The following VAT1L variants were observed in gnomAD, a reference collection of about 807,000 sequenced individuals.
The protein encoded by VAT1L is vesicle amine transport 1 like.
Under a neutral mutation model 44.1 loss-of-function variants are expected in VAT1L, and 34 were observed. That is an observed-to-expected ratio of 0.77 (90% confidence interval 0.59 to 1.03). The LOEUF (loss-of-function observed/expected upper bound fraction) is 1.03. Among genes scored for constraint, VAT1L ranks in the 50% least tolerant of loss-of-function variants. The probability of loss-of-function intolerance (pLI) is 0.00; values close to 1 mark genes in which losing one functional copy is unlikely to be tolerated. For synonymous variants in VAT1L, 253 were observed against 202.2 expected, an observed-to-expected ratio of 1.25 and a Z score of -2.13; for missense variants, 615 against 538.8, an observed-to-expected ratio of 1.14 and a Z score of -1.40.
Position 77,903,045 on chromosome 16 carries a change from A to G in VAT1L, c.1077+18243A>G, listed in dbSNP as rs2017401505. Among the ~76,000 whole-genome samples the G allele has an allele frequency of 2.0e-5, 3 of 152,142 alleles. No homozygotes were observed. The South Asian group carries it at 6.2e-4, about 32-fold the overall frequency. On this transcript the variant is annotated intron_variant, in intron 7 of 8. Transcript: ENST00000302536. ...AGATTATACCTTACACTCTCATAGT[A>G]GATAATACTTTTAATGTGCAGCATT...
chr16:77,812,496 G>GTCAT (rs2016283335), intron 1 of VAT1L, among the ~76,000 whole-genome samples: 1 of 152,184 alleles, frequency 6.6e-6, no homozygotes, highest in South Asian at 2.1e-4. Context: ...CTCTGTCACT[G>GTCAT]TCATGTACTG....
At chr16:77,883,617 C>T (rs28541391) in intron 6 of VAT1L, among the ~76,000 whole-genome samples, 1 of 152,256 alleles carries the variant, frequency 6.6e-6, no homozygotes. Flanking sequence ...CACCACCTCC[C>T]GCTTCAGTCA....
chr16:77,938,956 G>A (rs186856545), intron 7 of VAT1L, among the ~76,000 whole-genome samples: 9 of 152,112 alleles, frequency 5.9e-5, no homozygotes, highest in Non-Finnish European at 7.4e-5. Context: ...AGTGGGTTGG[G>A]TGGTGTGACC....
chr16:77,914,431 G>A (rs2017530463), intron 7 of VAT1L, among the ~76,000 whole-genome samples: 1 of 152,110 alleles, frequency 6.6e-6, no homozygotes, highest in Non-Finnish European at 1.5e-5. Flanking sequence ...AATCAGCCAT[G>A]GTGTGAGCAT....
At chr16:77,961,616 C>A (rs1597122712) in intron 7 of VAT1L, among the ~76,000 whole-genome samples, 2 of 152,280 alleles carry the variant, frequency 1.3e-5, no homozygotes, top group Non-Finnish European at 1.5e-5. Context: ...GCCTCCTCAA[C>A]CTCATTCTTT....
At chr16:77,949,890 C>G (rs2018019777) in intron 7 of VAT1L, among the ~76,000 whole-genome samples, 1 of 152,218 alleles carries the variant, frequency 6.6e-6, no homozygotes, top group South Asian at 2.1e-4. Flanking sequence ...TTGTGAAGCA[C>G]GTGGCTCTTC....
At chr16:77,866,634 T>C (rs1359367318) in intron 4 of VAT1L, among the ~76,000 whole-genome samples, 1 of 152,000 alleles carries the variant, frequency 6.6e-6, no homozygotes, top group Non-Finnish European at 1.5e-5. Context: ...AAGATAAAAT[T>C]TCTTGAGATG....
chr16:77,951,564 A>G (rs1302078316), intron 7 of VAT1L, among the ~76,000 whole-genome samples: 2 of 93,530 alleles, frequency 2.1e-5, no homozygotes, highest in Non-Finnish European at 4.6e-5. Flanking sequence ...ATAAATAAAT[A>G]GGACTTAAAA....
At chr16:77,928,062 T>C (rs1442995295) in intron 7 of VAT1L, among the ~76,000 whole-genome samples, 1 of 152,138 alleles carries the variant, frequency 6.6e-6, no homozygotes, top group Admixed American at 6.6e-5. Context: ...TGCAGTATCT[T>C]CAGTGTCTAC....
intron 3 of VAT1L, among the ~76,000 whole-genome samples, chr16:77,838,286 C>G (rs534567295): frequency 1.6e-4 from 25 of 152,136 alleles, no homozygotes; most frequent in Non-Finnish European, 2.9e-4. Context: ...TTATTATTGC[C>G]TTTATTAAGA....
chr16:77,799,694 C>G (rs2016012575), intron 1 of VAT1L, among the ~76,000 whole-genome samples: 1 of 152,134 alleles, frequency 6.6e-6, no homozygotes, highest in Admixed American at 6.5e-5. Flanking sequence ...TCTTCTTCAT[C>G]CAGTAAAAAG....
intron 1 of VAT1L, among the ~76,000 whole-genome samples, chr16:77,793,658 G>C (rs895175275): frequency 6.6e-5 from 10 of 152,138 alleles, no homozygotes; most frequent in African/African-American, 2.4e-4. Context: ...ATGGATTAGG[G>C]ACATTTATTT....
At chr16:77,805,370 T>C (rs553972327) in intron 1 of VAT1L, among the ~76,000 whole-genome samples, 6 of 152,308 alleles carry the variant, frequency 3.9e-5, no homozygotes, top group Non-Finnish European at 7.4e-5. Flanking sequence ...CAATGCCTAT[T>C]TTCCTAAGCA....
rs7204394 is a variant in VAT1L at position 77,952,096 on chromosome 16, G to A, written c.1078-19754G>A. Among the ~76,000 whole-genome samples the A allele has an allele frequency of 7.3e-3, 1,119 of 152,266 alleles. 22 individuals are homozygous for A. Among genetic ancestry groups the A allele is most frequent in the African/African-American group, 0.025 (1,040 of 41,552 alleles). ...ATCCTTCCCAGAGACTGGGAGATAG[G>A]GATGCTATCTTTCTTGATTACATTT... On this transcript the variant is annotated intron_variant, in intron 7 of 8. Transcript: ENST00000302536.
chr16:77,932,214 C>T (rs1285001954), intron 7 of VAT1L, among the ~76,000 whole-genome samples: 2 of 151,020 alleles, frequency 1.3e-5, no homozygotes, highest in Admixed American at 1.3e-4. Flanking sequence ...GGCCATTCTC[C>T]TGCCTCAGCC....
chr16:77,926,387 C>T (rs1030011312), intron 7 of VAT1L, among the ~76,000 whole-genome samples: 1 of 151,870 alleles, frequency 6.6e-6, no homozygotes, highest in African/African-American at 2.4e-5. Flanking sequence ...GTTTCGAAAC[C>T]AGCCTGGCCA....
chr16:77,856,788 A>C (rs1080941), intron 3 of VAT1L, among the ~76,000 whole-genome samples: 69,701 of 151,996 alleles, frequency 0.46, 17,026 homozygotes, highest in East Asian at 0.75. Context: ...CAAAGACCCG[A>C]AGTTGTCTCT....
intron 7 of VAT1L, among the ~76,000 whole-genome samples, chr16:77,919,858 G>A (rs944880437): frequency 6.6e-6 from 1 of 152,104 alleles, no homozygotes; most frequent in Admixed American, 6.5e-5. Flanking sequence ...GAGGCCAAGG[G>A]AGGCAGATCA....
At chr16:77,960,696 G>A (rs1224692245) in intron 7 of VAT1L, among the ~76,000 whole-genome samples, 1 of 152,138 alleles carries the variant, frequency 6.6e-6, no homozygotes, top group Non-Finnish European at 1.5e-5. Flanking sequence ...ATGAATAGAG[G>A]CCAGAGAATG....
Sources: allele counts gnomAD v4.1 joint callset (sites outside exome capture counted in the v4.1 genomes callset), GRCh38; gene constraint gnomAD v4.1.1; transcripts MANE v1.5; gene names NCBI Gene and HGNC (gene_info 2026-07-23, HGNC 2026-07-21).